Variants in KCNT2 observed in about 807,000 individuals in gnomAD.
KCNT2 encodes the protein potassium sodium-activated channel subfamily T member 2, also known as potassium channel subfamily T member 2.
Under a neutral mutation model 153.8 loss-of-function variants are expected in KCNT2, and 67 were observed. That is an observed-to-expected ratio of 0.44 (90% CI 0.36 to 0.53). The LOEUF is 0.53. KCNT2 is among the 20% of genes least tolerant of loss of function. The pLI is 0.00. For synonymous variants in KCNT2, 500 were observed against 458.8 expected (o/e 1.09, Z -1.15); for missense variants, 975 against 1,354.8 (o/e 0.72, Z 4.40).
chr1:196,448,317 G>C (rs866035406), intron 8 of KCNT2, among the ~76,000 whole-genome samples: 5 of 151,482 alleles, frequency 3.3e-5, no homozygotes, highest in Middle Eastern at 3.4e-3. Context: ...CAATAGGCAG[G>C]GAGCCAATGC....
intron 14 of KCNT2, among the ~76,000 whole-genome samples, chr1:196,348,526 C>T (rs1380746706): frequency 1.3e-5 from 2 of 152,054 alleles, no homozygotes; most frequent in African/African-American, 4.8e-5. Context: ...TGAGACTGTT[C>T]TACTATATTG....
At chr1:196,419,491 T>C (rs1673024314) in intron 12 of KCNT2, among the ~76,000 whole-genome samples, 2 of 151,624 alleles carry the variant, frequency 1.3e-5, no homozygotes, top group African/African-American at 2.4e-5. Flanking sequence ...GCTGCATCCA[T>C]GTCCCTACAA....
intron 13 of KCNT2, 82 bp downstream of exon 13, chr1:196,398,481 C>T: frequency 4.8e-6 from 3 of 624,936 alleles, no homozygotes; most frequent in Admixed American, 3.2e-5. Flanking sequence ...TTTAAGTTGC[C>T]ACTTAGTTCA....
At chr1:196,512,818 A>G (rs149484720) in intron 1 of KCNT2, among the ~76,000 whole-genome samples, 208 of 152,286 alleles carry the variant, frequency 1.4e-3, no homozygotes, top group Non-Finnish European at 2.5e-3. Context: ...ATCTACAAAA[A>G]TAGCAACAAA....
chr1:196,226,905 A>G lies in KCNT2; in HGVS notation c.*1319T>C, dbSNP rs1284416822. The stretch of plus-strand genomic sequence containing the variant: ...TTAAATTTACCAATGTTTCTTTTAC[A>G]GGAACATTTTAACACACTTCTACTA... On this transcript the variant is annotated 3_prime_UTR_variant, in exon 28 of 28. Coordinates refer to ENST00000294725, the MANE Select transcript of KCNT2 (RefSeq NM_198503.5). 1 of 152,006 alleles carries G rather than the reference A, an allele frequency of 6.6e-6. No individual in the cohort carries two copies. Among genetic ancestry groups the G allele is most frequent in the African/African-American group, 2.4e-5 (1 of 41,440 alleles). The allele number at this position is 152,006 out of a possible 1,614,324, so 9.4% of individuals were successfully genotyped here. A position where few individuals can be genotyped will look rare whatever the true frequency, so the allele number is the denominator to read the frequency against.
intron 23 of KCNT2, 34 bp downstream of exon 23, chr1:196,285,623 C>T (rs936422213): frequency 3.8e-6 from 5 of 1,306,066 alleles, no homozygotes; most frequent in Non-Finnish European, 5.5e-6. Context: ...AGAAAACAAC[C>T]ATTTTAGAGA....
At chr1:196,395,238 T>C (rs1378465844) in intron 13 of KCNT2, among the ~76,000 whole-genome samples, 1 of 151,586 alleles carries the variant, frequency 6.6e-6, no homozygotes, top group Non-Finnish European at 1.5e-5. Flanking sequence ...AAAACTATCC[T>C]GAATGAGTTT....
intron 8 of KCNT2, among the ~76,000 whole-genome samples, chr1:196,460,080 A>G (rs905497486): frequency 1.3e-5 from 2 of 151,876 alleles, no homozygotes; most frequent in African/African-American, 2.4e-5. Flanking sequence ...TCTAAAAAAA[A>G]GCAAAAAAGG....
At chr1:196,452,174 A>G (rs1676271726) in intron 8 of KCNT2, among the ~76,000 whole-genome samples, 1 of 151,972 alleles carries the variant, frequency 6.6e-6, no homozygotes, top group Non-Finnish European at 1.5e-5. Flanking sequence ...TTCTATCTGC[A>G]AGGTTTTTAA....
chr1:196,594,148 T>G (rs1026089053), intron 1 of KCNT2, among the ~76,000 whole-genome samples: 10 of 152,072 alleles, frequency 6.6e-5, no homozygotes, highest in African/African-American at 2.2e-4. Flanking sequence ...GATTGATGGT[T>G]TTCACTGAGC....
intron 23 of KCNT2, 72 bp from the exon 24 acceptor site, chr1:196,282,428 C>A (rs1659200278): frequency 1.4e-6 from 1 of 719,000 alleles, no homozygotes; most frequent in Admixed American, 2.4e-5. Context: ...TGTAGAACAG[C>A]TAAAAGTGTG....
At chr1:196,382,165 C>T (rs1233914665) in intron 13 of KCNT2, among the ~76,000 whole-genome samples, 1 of 151,802 alleles carries the variant, frequency 6.6e-6, no homozygotes, top group East Asian at 1.9e-4. Flanking sequence ...GTGGTGCGAG[C>T]GCGGCTCACT....
chr1:196,393,601 A>G (rs1292332982), intron 13 of KCNT2, among the ~76,000 whole-genome samples: 1 of 150,594 alleles, frequency 6.6e-6, no homozygotes, highest in Non-Finnish European at 1.5e-5. Context: ...GTGTGCATGT[A>G]TGTGTGTGTG....
At chr1:196,535,030 C>A (rs1236525457) in intron 1 of KCNT2, among the ~76,000 whole-genome samples, 1 of 152,138 alleles carries the variant, frequency 6.6e-6, no homozygotes, top group Non-Finnish European at 1.5e-5. Context: ...TATAATTTCC[C>A]TTTTCATGCA....
At chr1:196,440,268 G>C (rs1675108802) in intron 8 of KCNT2, among the ~76,000 whole-genome samples, 1 of 151,886 alleles carries the variant, frequency 6.6e-6, no homozygotes, top group South Asian at 2.1e-4. Flanking sequence ...CTTCAGTTCT[G>C]TATTTCATTG....
chr1:196,343,272 G>A (rs1032370297), intron 14 of KCNT2, among the ~76,000 whole-genome samples: 6 of 152,146 alleles, frequency 3.9e-5, no homozygotes, highest in Non-Finnish European at 8.8e-5. Context: ...AACGTTCTGC[G>A]CTGCCCGCCT....
chr1:196,497,735 T>C (rs1313612501), intron 1 of KCNT2, among the ~76,000 whole-genome samples: 1 of 152,202 alleles, frequency 6.6e-6, no homozygotes, highest in African/African-American at 2.4e-5. Flanking sequence ...TAATAGTATA[T>C]TGTTCCTTTT....
intron 1 of KCNT2, among the ~76,000 whole-genome samples, chr1:196,594,996 A>C (rs1440510957): frequency 7.2e-5 from 11 of 152,164 alleles, no homozygotes; most frequent in Non-Finnish European, 1.5e-4. Flanking sequence ...ATGTTTAAGA[A>C]GACTATGATG....
chr1:196,603,237 G>A (rs1286658543), intron 1 of KCNT2, among the ~76,000 whole-genome samples: 1 of 152,038 alleles, frequency 6.6e-6, no homozygotes, highest in South Asian at 2.1e-4. Flanking sequence ...CATTTTTGTA[G>A]ATATTGTATA....
Sources: allele counts gnomAD v4.1 joint callset (sites outside exome capture counted in the v4.1 genomes callset), GRCh38; gene constraint gnomAD v4.1.1; transcripts MANE v1.5; gene names NCBI Gene and HGNC (gene_info 2026-07-23, HGNC 2026-07-21).